Variants in ABCC2 observed in about 807,000 individuals in gnomAD.
ABCC2 encodes the protein ATP-binding cassette sub-family C member 2.
A neutral mutation model predicts 173.4 loss-of-function variants in ABCC2; 157 were observed. The ratio of observed to expected loss-of-function variants is 0.91; its 90% CI spans 0.80 to 1.03. The LOEUF (loss-of-function observed/expected upper bound fraction) is 1.03, where lower values mean the gene tolerates loss of function less well. Among genes scored for constraint, ABCC2 ranks in the 50% least tolerant of loss-of-function variants. The pLI is 0.00. For synonymous variants in ABCC2, 657 were observed against 693.5 expected (o/e 0.95, Z 0.83); for missense variants, 1,822 against 1,852.3 (o/e 0.98, Z 0.30).
chr10:99,851,441 T>C, intron 31 of ABCC2, 61 bp from the exon 32 acceptor site: 4 of 1,604,658 alleles, frequency 2.5e-6, no homozygotes, highest in African/African-American at 1.3e-5. Flanking sequence ...GTTATTCTTA[T>C]AAATGCCTAG....
intron 16 of ABCC2, 104 bp downstream of exon 16, chr10:99,813,248 T>C: frequency 7.0e-7 from 1 of 1,424,010 alleles, no homozygotes; most frequent in Non-Finnish European, 9.7e-7. Flanking sequence ...AGGTGAGGTC[T>C]TGGAGACATC....
intron 14 of ABCC2, 44 bp from the exon 15 acceptor site, chr10:99,811,492 C>G: frequency 6.3e-7 from 1 of 1,595,470 alleles, no homozygotes; most frequent in Non-Finnish European, 8.6e-7. Context: ...CAGACAGTCA[C>G]GTGGGGACCT....
rs996501962 is a variant in ABCC2, at chr10:99,803,157, T to C, written c.1210-862T>C. On this transcript the variant is annotated intron_variant, in intron 9 of 31. Coordinates refer to ENST00000647814, the MANE Select transcript of ABCC2 (RefSeq NM_000392.5). ...CTAATTTGTGTACTTTTAGTAGAGA[T>C]GGGGTTTCGCCATATTGGCCAGGCT... Among the ~76,000 whole-genome samples the C allele has an allele frequency of 4.6e-5, 7 of 152,186 alleles. No homozygotes were observed. The East Asian group carries it at 1.2e-3, about 25-fold the overall frequency.
chr10:99,788,028 C>G (rs1425985500), intron 2 of ABCC2, among the ~76,000 whole-genome samples: 1 of 151,676 alleles, frequency 6.6e-6, no homozygotes, highest in Admixed American at 6.6e-5. Context: ...GTTCACACCA[C>G]TGCACTTCAG....
chr10:99,789,720 A>AAG (rs1554846661), intron 2 of ABCC2, among the ~76,000 whole-genome samples: 1 of 148,162 alleles, frequency 6.7e-6, no homozygotes, highest in African/African-American at 2.5e-5. Context: ...AAAAAAAAAA[A>AAG]AAAAAAGAAA....
chr10:99,806,210 T>G (rs552079516), intron 11 of ABCC2, among the ~76,000 whole-genome samples: 1 of 151,660 alleles, frequency 6.6e-6, no homozygotes, highest in South Asian at 2.1e-4. Flanking sequence ...TATATTTGAT[T>G]TGGGGGCGGG....
At chr10:99,792,066 A>G (rs572103256) in intron 2 of ABCC2, among the ~76,000 whole-genome samples, 168 bp from the exon 3 acceptor site, 2 of 152,352 alleles carry the variant, frequency 1.3e-5, no homozygotes, top group Admixed American at 1.3e-4. Context: ...CATACTTTGA[A>G]CATTATTCTA....
chr10:99,797,008 A>AGAACC, intron 6 of ABCC2, 89 bp from the exon 7 acceptor site: 4 of 1,164,940 alleles, frequency 3.4e-6, no homozygotes, highest in Middle Eastern at 2.2e-4. Context: ...CCTCTATCCC[A>AGAACC]GAACCTGGAG....
chr10:99,846,323 C>T (rs1002109735), intron 29 of ABCC2, among the ~76,000 whole-genome samples: 1 of 152,226 alleles, frequency 6.6e-6, no homozygotes, highest in Non-Finnish European at 1.5e-5. Flanking sequence ...CCTCCTCCGC[C>T]CACTGCAGCC....
chr10:99,792,154 T>A, intron 2 of ABCC2, 80 bp from the exon 3 acceptor site: 5 of 1,576,448 alleles, frequency 3.2e-6, no homozygotes, highest in Non-Finnish European at 4.4e-6. Flanking sequence ...GCTTTTCCTA[T>A]CCATCACCGG....
At chr10:99,813,477 A>G (rs2038252810) in intron 16 of ABCC2, among the ~76,000 whole-genome samples, 2 of 152,216 alleles carry the variant, frequency 1.3e-5, no homozygotes, top group Admixed American at 6.5e-5. Context: ...GCACTTTGAG[A>G]GGCCGAGGCA....
intron 8 of ABCC2, among the ~76,000 whole-genome samples, chr10:99,800,155 T>A (rs986304852): frequency 6.6e-6 from 1 of 152,192 alleles, no homozygotes; most frequent in African/African-American, 2.4e-5. Flanking sequence ...ACTATGATCC[T>A]GCCACTGCAC....
At chr10:99,810,050 C>G in intron 13 of ABCC2, 84 bp from the exon 14 acceptor site, 2 of 1,297,592 alleles carry the variant, frequency 1.5e-6, no homozygotes, top group Non-Finnish European at 2.2e-6. Context: ...AATAGAAAAT[C>G]ATGGACTAAC....
chr10:99,839,112 G>A (rs1389196456), intron 25 of ABCC2, among the ~76,000 whole-genome samples: 1 of 134,166 alleles, frequency 7.5e-6, no homozygotes, highest in Admixed American at 7.2e-5. Context: ...CCTCCCTCCC[G>A]GACGGGGCGG....
In ABCC2 at chr10:99,850,794, CAAGT is replaced by C. The variant is rs758461922; in HGVS notation, c.4507_4508+2del. The C allele has an allele frequency of 1.2e-5, 20 of 1,614,190 alleles. No homozygotes were observed. The Admixed American group carries it at 2.0e-4, about 16-fold the overall frequency. ...GGCTGCACACCATCATGGACAGTGA[CAAGT>C]GAGTGTAGGGGGACAGGGCTTGACA... On this transcript the variant is annotated splice_donor_variant and coding_sequence_variant, in exon 31 of 32. Transcript: ENST00000647814. LOFTEE classifies it high-confidence loss of function.
At chr10:99,789,709 CA>C (rs11412117) in intron 2 of ABCC2, among the ~76,000 whole-genome samples, 64 of 98,282 alleles carry the variant, frequency 6.5e-4, no homozygotes, top group Non-Finnish European at 7.3e-4. Flanking sequence ...AACTCCGTCT[CA>C]AAAAAAAAAA....
chr10:99,815,925 T>C (rs187286441), intron 16 of ABCC2, among the ~76,000 whole-genome samples: 13 of 152,244 alleles, frequency 8.5e-5, no homozygotes, highest in African/African-American at 1.4e-4. Flanking sequence ...ATAACTGGGT[T>C]CTTCCTCAAA....
At chr10:99,791,269 G>A (rs892268772) in intron 2 of ABCC2, among the ~76,000 whole-genome samples, 3 of 152,114 alleles carry the variant, frequency 2.0e-5, no homozygotes, top group Admixed American at 2.0e-4. Flanking sequence ...TTAGCCAGGT[G>A]TGGTGGCGCA....
chr10:99,804,181 G>C lies in ABCC2; in HGVS notation c.1372G>C (p.Glu458Gln). Residue 458 changes from glutamate (E) to glutamine (Q), a missense_variant, in exon 10 of 32, where the codon GAG (glutamate) becomes CAG (glutamine). Glu to Gln is a conservative substitution (Grantham distance 29, BLOSUM62 2). Transcript: ENST00000647814. ...IVLSIFFLWR[E>Q]LGPSVLAGVG... ...CTTATCTATCTTCTTCCTATGGAGA[G>C]AGTTGGGACCCTCAGTCTTAGCAGG... The C allele has an allele frequency of 6.2e-7, 1 of 1,614,174 alleles. No individual in the cohort carries two copies.
Sources: gnomAD v4.1 joint callset for allele counts (sites outside exome capture counted in the v4.1 genomes callset) on GRCh38, gnomAD v4.1.1 for gene constraint, MANE v1.5 for transcripts, NCBI Gene and HGNC (gene_info 2026-07-23, HGNC 2026-07-21) for gene names.